The following GTPBP2 variants were observed in gnomAD, a reference collection of about 807,000 sequenced individuals.
GTPBP2 encodes the protein GTP-binding protein 2.
GTPBP2 carries 32 observed loss-of-function variants against 63.0 expected under a neutral mutation model. That is an observed-to-expected ratio of 0.51 (90% CI 0.38 to 0.68). The LOEUF is 0.68. Among genes scored for constraint, GTPBP2 ranks in the 30% least tolerant of loss-of-function variants. The probability of loss-of-function intolerance (pLI) is 0.00; values close to 1 mark genes in which losing one functional copy is unlikely to be tolerated. For synonymous variants in GTPBP2, 310 were observed against 322.6 expected (o/e 0.96, Z 0.42); for missense variants, 492 against 796.9 (o/e 0.62, Z 4.61).
At position 43,626,553 on chromosome 6, in the gene GTPBP2, A is replaced by G; in HGVS notation, c.214-143T>C. The G allele has an allele frequency of 1.5e-6, 1 of 648,788 alleles. No individual in the cohort carries two copies. Among genetic ancestry groups the G allele is most frequent in the East Asian group, 2.7e-5 (1 of 36,628 alleles). 40.2% of individuals were successfully genotyped at this position (648,788 alleles called of 1,614,324 possible). On this transcript the variant is annotated intron_variant, in intron 2 of 11. Coordinates refer to ENST00000307126, the MANE Select transcript of GTPBP2 (RefSeq NM_019096.5). The surrounding 1 kb of genome is among the most constrained non-coding windows in gnomAD (Gnocchi z 4.0). ...TGATCCCCCTCCAACAGAACGAGGT[A>G]CAGAGCCCTTAACCTGAACCATATC...
In GTPBP2 at chr6:43,625,448, T is replaced by A. The variant is rs1297737786; in HGVS notation, c.620A>T (p.Asn207Ile). 6.2e-7 allele frequency: 1 copy of A among 1,613,928 alleles called. No individual in the cohort carries two copies. Among genetic ancestry groups the A allele is most frequent in the Non-Finnish European group, 8.5e-7 (1 of 1,180,010 alleles). ...LDNGRGRARL[N>I]LFRHLHEIQS... Reference sequence around the variant, plus strand: ...AATCTCATGCAGGTGGCGGAAAAGGTTGAGCCGAGCCCGGCCCCGCCCATT... The same window carrying A: ...AATCTCATGCAGGTGGCGGAAAAGGATGAGCCGAGCCCGGCCCCGCCCATT... Residue 207 changes from asparagine (N) to isoleucine (I), a missense_variant, in exon 5 of 12, where the codon AAC becomes ATC. Transcript: ENST00000307126. This position sits in a 1 kb window ranked among gnomAD's most constrained non-coding sequence, Gnocchi z 5.1.
Position 43,625,419 on chromosome 6 carries a change from A to G in GTPBP2, c.649T>C (p.Ser217Pro). The change falls in exon 5 of 12, where the codon TCT (serine) becomes CCT (proline). Residue 217 changes from serine to proline, a missense_variant. Coordinates refer to ENST00000307126, the MANE Select transcript of GTPBP2 (RefSeq NM_019096.5). This position sits in a 1 kb window ranked among gnomAD's most constrained non-coding sequence, Gnocchi z 5.1. ...NLFRHLHEIQ[S>P]GRTSSISFEI... ...AAGCTGATGCTGGAGGTTCGGCCAG[A>G]CTGAATCTCATGCAGGTGGCGGAAA... 1 of 1,614,004 alleles carries G rather than the reference A, an allele frequency of 6.2e-7. No individual in the cohort carries two copies. The highest frequency in any genetic ancestry group is 8.5e-7 in the Non-Finnish European group (1 of 1,180,000).
In GTPBP2 at chr6:43,621,315, G is replaced by T; in HGVS notation, c.*299C>A. ...TTAGTAGTGGGGACGAAGAATTGAT[G>T]AGTGGATCCAGTCAGCTCCGGCAGA... On this transcript the variant is annotated 3_prime_UTR_variant, in exon 12 of 12. Transcript: ENST00000307126. 2 of 888,888 alleles carry T rather than the reference G, an allele frequency of 2.3e-6. No individual in the cohort carries two copies. The highest frequency in any genetic ancestry group is 3.4e-6 in the Non-Finnish European group (2 of 584,704). The allele number at this position is 888,888 out of a possible 1,614,324, so 55.1% of individuals were successfully genotyped here.
chr6:43,630,266 A>G (rs796464384), upstream of GTPBP2, among the ~76,000 whole-genome samples: 4 of 152,242 alleles, frequency 2.6e-5, no homozygotes, highest in South Asian at 4.1e-4. Context: ...ATTCAGCGAC[A>G]TAAGCCAGTG....
At position 43,625,671 on chromosome 6, in the gene GTPBP2, C is replaced by T. The variant is rs1769250089; in HGVS notation, c.507+85G>A. The T allele has an allele frequency of 1.5e-5, 21 of 1,404,600 alleles. No homozygotes were observed. Among genetic ancestry groups the T allele is most frequent in the Non-Finnish European group, 2.1e-5 (21 of 989,630 alleles). The allele number at this position is 1,404,600 out of a possible 1,614,324, so 87.0% of individuals were successfully genotyped here. ...GAGCAAGTGATGAACTGGAAGCCCCCAGGATCCCAGGCCAGGAGACAGCCT... is the reference window on the plus strand; with the variant it reads ...GAGCAAGTGATGAACTGGAAGCCCCTAGGATCCCAGGCCAGGAGACAGCCT... On this transcript the variant is annotated intron_variant, in intron 4 of 11. Coordinates refer to ENST00000307126, the MANE Select transcript of GTPBP2 (RefSeq NM_019096.5). This position sits in a 1 kb window ranked among gnomAD's most constrained non-coding sequence, Gnocchi z 5.1.
chr6:43,623,463 T>G (rs1043856075), intron 9 of GTPBP2: 1 of 511,222 alleles, frequency 2.0e-6, no homozygotes, highest in East Asian at 3.3e-5. Context: ...ATGAAGTCAG[T>G]TGAATACACT....
rs1768702349 is a variant in GTPBP2 at position 43,621,325 on chromosome 6, A to G, written c.*289T>C. On this transcript the variant is annotated 3_prime_UTR_variant, in exon 12 of 12. Coordinates refer to ENST00000307126, the MANE Select transcript of GTPBP2 (RefSeq NM_019096.5). ...GGACGAAGAATTGATGAGTGGATCC[A>G]GTCAGCTCCGGCAGACAGGCCACAG... is the stretch of plus-strand genomic sequence containing the variant. 6 of 1,017,050 alleles carry G rather than the reference A, an allele frequency of 5.9e-6. No individual in the cohort carries two copies. The South Asian group carries it at 8.3e-5, about 14-fold the overall frequency. 63.0% of individuals were successfully genotyped at this position (1,017,050 alleles called of 1,614,324 possible).
At chr6:43,629,625 C>T, upstream of GTPBP2, 4 of 993,844 alleles carry the variant, frequency 4.0e-6, no homozygotes, top group Non-Finnish European at 6.2e-6. Flanking sequence ...GCTTTGTGGG[C>T]GCTCCGGGAT....
intron 1 of GTPBP2, chr6:43,627,299 T>C: frequency 1.9e-6 from 2 of 1,077,572 alleles, no homozygotes; most frequent in Non-Finnish European, 2.2e-6. Context: ...CAGAAGTCTA[T>C]GTCTCCTCTG....
chr6:43,627,420 G>A (rs906217636), intron 1 of GTPBP2: 1 of 785,490 alleles, frequency 1.3e-6, no homozygotes, highest in Admixed American at 6.2e-5. Flanking sequence ...AAGAGGTTCT[G>A]GATCAGAGCC....
At chr6:43,628,892 G>A in intron 1 of GTPBP2, 85 bp downstream of exon 1, 1 of 1,412,164 alleles carries the variant, frequency 7.1e-7, no homozygotes. Context: ...CGGAAGGGGA[G>A]ATTAATTATC....
rs1391418467 is a variant in GTPBP2, at chr6:43,626,206, G to T, written c.398+20C>A. ...CCCCAAGTCAGGTAAAGGAGAACTG[G>T]TGGGGAAGGGGAAGCATACTTCTCT... On this transcript the variant is annotated intron_variant, in intron 3 of 11. Coordinates refer to ENST00000307126, the MANE Select transcript of GTPBP2 (RefSeq NM_019096.5). This position sits in a 1 kb window ranked among gnomAD's most constrained non-coding sequence, Gnocchi z 4.0. 1.9e-6 allele frequency: 3 copies of T among 1,608,798 alleles called. No individual in the cohort carries two copies. Among genetic ancestry groups the T allele is most frequent in the South Asian group, 1.1e-5 (1 of 90,906 alleles).
chr6:43,621,956 C>T (rs1233129415), intron 11 of GTPBP2, 47 bp downstream of exon 11: 1 of 1,608,472 alleles, frequency 6.2e-7, no homozygotes, highest in African/African-American at 1.3e-5. Context: ...GGGCAGGCCT[C>T]CCTCTTTTCT....
upstream of GTPBP2, among the ~76,000 whole-genome samples, chr6:43,630,828 G>C (rs1769869638): frequency 1.4e-5 from 2 of 142,328 alleles, no homozygotes; most frequent in African/African-American, 5.3e-5. Context: ...AGAATCGCTT[G>C]AACTCGGGAG....
intron 1 of GTPBP2, 97 bp from the exon 2 acceptor site, chr6:43,627,045 C>CA: frequency 8.9e-7 from 1 of 1,125,640 alleles, no homozygotes; most frequent in Non-Finnish European, 1.3e-6. Context: ...CTTGAGAAAG[C>CA]AGGAAGCCCC....
At chr6:43,628,936 A>C in intron 1 of GTPBP2, 41 bp downstream of exon 1, 1 of 1,594,186 alleles carries the variant, frequency 6.3e-7, no homozygotes, top group Non-Finnish European at 8.6e-7. Context: ...TGGGCCGGAA[A>C]GAGTGGCTTC....
intron 1 of GTPBP2, chr6:43,628,470 CTGTGTGTGTG>C (rs60906505): frequency 3.4e-4 from 147 of 433,002 alleles, no homozygotes; most frequent in African/African-American, 1.9e-3. Flanking sequence ...CTGGCTTAGG[CTGTGTGTGTG>C]TGTGTGTGTG....
At position 43,624,892 on chromosome 6, in the gene GTPBP2, C is replaced by T. The variant is rs1334782319; in HGVS notation, c.876G>A (p.Gly292=). The T allele has an allele frequency of 6.2e-7, 1 of 1,613,974 alleles. No homozygotes were observed. Among genetic ancestry groups the T allele is most frequent in the South Asian group, 1.1e-5 (1 of 91,068 alleles). The change falls in exon 6 of 12, where the codon GGG becomes GGA. Residue 292 remains glycine (G), a synonymous_variant. Transcript: ENST00000307126. This position sits in a 1 kb window ranked among gnomAD's most constrained non-coding sequence, Gnocchi z 5.1. ...CALLLVSANT[G]IAGTTREHLG... is the part of the protein sequence containing the mutation. Reference sequence around the variant, plus strand: ...CCCTGCCCTAATGCCTCGTACCAATCCCAGTGTTGGCACTGACGAGGAGCA... The same window carrying T: ...CCCTGCCCTAATGCCTCGTACCAATTCCAGTGTTGGCACTGACGAGGAGCA...
Position 43,623,754 on chromosome 6 carries a change from A to T in GTPBP2, c.1278T>A (p.Val426=). 3 of 1,613,256 alleles carry T rather than the reference A, an allele frequency of 1.9e-6. No individual in the cohort carries two copies. The highest frequency in any genetic ancestry group is 2.5e-6 in the Non-Finnish European group (3 of 1,179,174). The change falls in exon 9 of 12, where the codon GTT becomes GTA. Residue 426 remains valine, a synonymous_variant. Coordinates refer to ENST00000307126, the MANE Select transcript of GTPBP2 (RefSeq NM_019096.5). ...CAATTTACCTGGAAAGTGTTCCTCCAACAACAGTCCCCACCTCTGGTACTG... is the reference window on the plus strand; with the variant it reads ...CAATTTACCTGGAAAGTGTTCCTCCTACAACAGTCCCCACCTCTGGTACTG... ...IYTVPEVGTV[V]GGTLSSGICR...
Sources: gnomAD v4.1 joint callset for allele counts (sites outside exome capture counted in the v4.1 genomes callset) on GRCh38, gnomAD v4.1.1 for gene constraint, Gnocchi (gnomAD v3.1) non-coding constraint, MANE v1.5 for transcripts, NCBI Gene and HGNC (gene_info 2026-07-23, HGNC 2026-07-21) for gene names.